WWOX: variants seen among roughly 807,000 people sequenced by gnomAD.
WWOX encodes the protein WW domain-containing oxidoreductase.
Under a neutral mutation model 46.2 loss-of-function variants are expected in WWOX, and 69 were observed. The observed-to-expected ratio is 1.49, with a 90% CI of 1.23 to 1.82. The LOEUF is 1.82. Ranked by LOEUF, WWOX falls within the 40% of genes most tolerant of loss-of-function variation. The pLI, the probability that WWOX is intolerant of heterozygous loss-of-function variation, is 0.00. For synonymous variants in WWOX, 359 were observed against 202.6 expected (o/e 1.77, Z -6.56); for missense variants, 919 against 542.6 (o/e 1.69, Z -6.89).
chr16:78,870,793 G>C (rs1261593643), intron 8 of WWOX, among the ~76,000 whole-genome samples: 1 of 152,148 alleles, frequency 6.6e-6, no homozygotes. Context: ...GTAGAGACGG[G>C]TTTTCACCGT....
intron 8 of WWOX, among the ~76,000 whole-genome samples, chr16:78,657,700 C>G (rs2047112944): frequency 6.6e-6 from 1 of 152,194 alleles, no homozygotes; most frequent in Non-Finnish European, 1.5e-5. Flanking sequence ...CAAGAGGTCA[C>G]ATTGCCTTTT....
At chr16:79,012,324 C>A (rs2047327229) in intron 8 of WWOX, among the ~76,000 whole-genome samples, 1 of 152,082 alleles carries the variant, frequency 6.6e-6, no homozygotes, top group African/African-American at 2.4e-5. Flanking sequence ...CCTACACTTC[C>A]TGGATTCAAG....
intron 8 of WWOX, among the ~76,000 whole-genome samples, chr16:78,904,887 A>G (rs981012682): frequency 1.6e-4 from 25 of 151,934 alleles, no homozygotes; most frequent in Admixed American, 3.3e-4. Context: ...AAGCACACAC[A>G]CCTTTCTTTT....
chr16:78,547,333 A>C (rs1039833695), intron 8 of WWOX, among the ~76,000 whole-genome samples: 1 of 152,086 alleles, frequency 6.6e-6, no homozygotes, highest in East Asian at 1.9e-4. Flanking sequence ...CCCAATTTAC[A>C]GATGAAAAAA....
At chr16:78,853,506 C>G (rs968877736) in intron 8 of WWOX, among the ~76,000 whole-genome samples, 2 of 152,186 alleles carry the variant, frequency 1.3e-5, no homozygotes, top group Non-Finnish European at 2.9e-5. Context: ...TTTCAGCAAA[C>G]ATTCCATAAC....
chr16:79,028,375 C>G (rs940357676), intron 8 of WWOX, among the ~76,000 whole-genome samples: 1 of 151,842 alleles, frequency 6.6e-6, no homozygotes, highest in African/African-American at 2.4e-5. Flanking sequence ...TAAATTCAGT[C>G]CAGACATTCT....
chr16:78,294,832 G>A (rs2079918184), intron 5 of WWOX, among the ~76,000 whole-genome samples: 1 of 152,188 alleles, frequency 6.6e-6, no homozygotes, highest in South Asian at 2.1e-4. Context: ...TGTTGATTGT[G>A]AATGAACAAA....
intron 8 of WWOX, among the ~76,000 whole-genome samples, chr16:78,907,322 C>T (rs764535770): frequency 6.6e-6 from 1 of 152,144 alleles, no homozygotes; most frequent in Non-Finnish European, 1.5e-5. Flanking sequence ...AGAAGGCCAA[C>T]CTTAGGTTCT....
chr16:78,842,328 T>TAA lies in WWOX; in HGVS notation c.1057-369261_1057-369260dup, dbSNP rs34346754. On this transcript the variant is annotated intron_variant, in intron 8 of 8. Transcript: ENST00000566780. ...GGGCAACATAGGCAGACCCCATCTCTAAAAAAAAAAAAAAAAAAAATTAAA... is the reference window on the plus strand; with the variant it reads ...GGGCAACATAGGCAGACCCCATCTCTAAAAAAAAAAAAAAAAAAAAAATTAAA... Among the ~76,000 whole-genome samples, 47 of 118,256 alleles carry TAA rather than the reference T, an allele frequency of 4.0e-4. 1 individual carries two copies. The highest frequency in any genetic ancestry group is 8.3e-4 in the South Asian group (3 of 3,604). The allele number at this position is 118,256 out of a possible 152,430, so 77.6% of individuals were successfully genotyped here.
chr16:78,519,455 T>A (rs1308399420), intron 8 of WWOX, among the ~76,000 whole-genome samples: 1 of 151,972 alleles, frequency 6.6e-6, no homozygotes, highest in Non-Finnish European at 1.5e-5. Flanking sequence ...TGTTTCCTTC[T>A]AATTTTTTTC....
In WWOX at chr16:78,420,791, G is replaced by C. The variant is rs1049278123; in HGVS notation, c.606-4079G>C. ...GGTATGTGCATTATATTTCAGTAAA[G>C]TTCTTTAATAAATTAGCTAATGCTT... On this transcript the variant is annotated intron_variant, in intron 6 of 8. Transcript: ENST00000566780. Among the ~76,000 whole-genome samples the C allele has an allele frequency of 2.6e-5, 4 of 151,986 alleles. No homozygotes were observed. The East Asian group carries it at 5.8e-4, about 22-fold the overall frequency.
intron 7 of WWOX, 107 bp from the exon 8 acceptor site, chr16:78,432,381 C>T (rs1020199008): frequency 2.3e-5 from 33 of 1,459,470 alleles, no homozygotes; most frequent in African/African-American, 1.1e-4. Flanking sequence ...GCTCGGATTA[C>T]AGATGTGAGC....
Position 79,211,831 on chromosome 16 carries a change from C to G in WWOX, c.*35C>G, listed in dbSNP as rs1473298022. ...AGAGCGGATGGGCACACACACCCGC[C>G]CTGTGTGTGTCCCCTCACGCAAGTG... On this transcript the variant is annotated 3_prime_UTR_variant, in exon 9 of 9. Transcript: ENST00000566780. The G allele has an allele frequency of 6.2e-7, 1 of 1,612,888 alleles. No homozygotes were observed. Among genetic ancestry groups the G allele is most frequent in the Admixed American group, 1.7e-5 (1 of 59,926 alleles).
rs2083722512 is a variant in WWOX, at chr16:78,452,727, T to C, written c.1056+19975T>C. 3.3e-5 allele frequency among the ~76,000 whole-genome samples: 5 copies of C among 152,138 alleles called. No homozygotes were observed. The South Asian group carries it at 1.0e-3, about 32-fold the overall frequency. ...CTGACCTCCATGTGATCGGCCTGCC[T>C]TGGCCTCCCGAAGTGCTGGGATTAC... is the stretch of plus-strand genomic sequence containing the variant. On this transcript the variant is annotated intron_variant, in intron 8 of 8. Coordinates refer to ENST00000566780, the MANE Select transcript of WWOX (RefSeq NM_016373.4).
chr16:78,774,733 TAC>T (rs2050148816), intron 8 of WWOX, among the ~76,000 whole-genome samples: 1 of 151,744 alleles, frequency 6.6e-6, no homozygotes. Flanking sequence ...CACACACACA[TAC>T]ACACACATGG....
intron 8 of WWOX, among the ~76,000 whole-genome samples, chr16:78,501,881 C>T (rs994601102): frequency 6.6e-6 from 1 of 152,004 alleles, no homozygotes; most frequent in Admixed American, 6.6e-5. Flanking sequence ...AAGGATGTTG[C>T]GGTGGGGTTG....
intron 8 of WWOX, among the ~76,000 whole-genome samples, chr16:78,547,810 A>C (rs1301761488): frequency 1.3e-5 from 2 of 151,960 alleles, no homozygotes; most frequent in Non-Finnish European, 2.9e-5. Context: ...CAATGACCTA[A>C]TCACCTCCCA....
At chr16:79,186,229 A>G (rs577546644) in intron 8 of WWOX, among the ~76,000 whole-genome samples, 2 of 152,308 alleles carry the variant, frequency 1.3e-5, no homozygotes, top group South Asian at 4.1e-4. Context: ...TGTGCTTCCC[A>G]TGGCTGCTGT....
intron 8 of WWOX, among the ~76,000 whole-genome samples, chr16:78,611,097 G>C (rs571615318): frequency 5.9e-5 from 9 of 152,144 alleles, no homozygotes; most frequent in African/African-American, 1.7e-4. Flanking sequence ...AGTGTGTGTG[G>C]TCACCAAAGC....
Sources: allele counts gnomAD v4.1 joint callset (sites outside exome capture counted in the v4.1 genomes callset), GRCh38; gene constraint gnomAD v4.1.1; transcripts MANE v1.5; gene names NCBI Gene and HGNC (gene_info 2026-07-23, HGNC 2026-07-21).